The following PCGF3 variants were observed in gnomAD, a reference collection of about 807,000 sequenced individuals.
PCGF3 encodes the protein polycomb group RING finger protein 3.
Under a neutral mutation model 33.1 loss-of-function variants are expected in PCGF3, and 7 were observed. The ratio of observed to expected loss-of-function variants is 0.21; its 90% CI spans 0.12 to 0.40. The LOEUF (loss-of-function observed/expected upper bound fraction) is 0.40, where lower values mean the gene tolerates loss of function less well. Ranked by LOEUF, PCGF3 falls within the 10% of genes least tolerant of loss-of-function variation. The probability of loss-of-function intolerance (pLI) is 1.00; values close to 1 mark genes in which losing one functional copy is unlikely to be tolerated. For missense variants in PCGF3, 211 were observed against 313.3 expected, an observed-to-expected ratio of 0.67 and a Z score of 2.46; for synonymous variants, 153 against 121.3, an observed-to-expected ratio of 1.26 and a Z score of -1.72.
At chr4:708,541 G>A (rs1742431550) in intron 1 of PCGF3, among the ~76,000 whole-genome samples, 1 of 152,164 alleles carries the variant, frequency 6.6e-6, no homozygotes, top group South Asian at 2.1e-4. Context: ...TGATACCTGG[G>A]GTAGGTATGA....
chr4:752,013 G>A (rs981195356), intron 8 of PCGF3, among the ~76,000 whole-genome samples: 2 of 152,286 alleles, frequency 1.3e-5, no homozygotes, highest in African/African-American at 4.8e-5. Flanking sequence ...GCAAAAGCGT[G>A]TCGGGTTTAT....
chr4:742,471 A>C (rs1361669274), intron 6 of PCGF3, among the ~76,000 whole-genome samples: 1 of 152,210 alleles, frequency 6.6e-6, no homozygotes, highest in Non-Finnish European at 1.5e-5. Context: ...GTTACTTTTC[A>C]GAGTGATGTC....
At chr4:767,610 CCTTAT>C (rs1745439634) in exon 11 of PCGF3, 1 of 152,110 alleles carries the variant, frequency 6.6e-6, no homozygotes, top group Non-Finnish European at 1.5e-5. Flanking sequence ...GCTCAAGAGA[CCTTAT>C]CTTAGGGATG....
chr4:761,600 G>T lies in PCGF3; in HGVS notation c.600+184G>T, dbSNP rs552620133. On this transcript the variant is annotated intron_variant, in intron 9 of 10. Coordinates refer to ENST00000362003, the Ensembl canonical transcript of PCGF3. ...GAGACAGCCCTAAGGGTTGTAGGAT[G>T]CCCAGAGACAGGGAACGTGGAATGC... is the stretch of plus-strand genomic sequence containing the variant. 1.2e-3 allele frequency: 1,116 copies of T among 943,592 alleles called. 1 individual carries two copies. Among genetic ancestry groups the T allele is most frequent in the Middle Eastern group, 1.6e-3 (3 of 1,854 alleles). 58.5% of individuals were successfully genotyped at this position (943,592 alleles called of 1,614,324 possible). A position where few individuals can be genotyped will look rare whatever the true frequency, so the allele number is the denominator to read the frequency against.
intron 1 of PCGF3, among the ~76,000 whole-genome samples, chr4:713,464 A>G (rs79893233): frequency 0.018 from 996 of 55,360 alleles, 16 homozygotes; most frequent in African/African-American, 0.063. Context: ...TGTGGGGGCT[A>G]TGGCCTCATG....
chr4:757,665 A>G (rs1744827629), intron 8 of PCGF3: 1 of 152,048 alleles, frequency 6.6e-6, no homozygotes, highest in African/African-American at 2.4e-5. Flanking sequence ...ACATTCCACG[A>G]TTTTCCATGG....
At chr4:708,988 T>G (rs949409948) in intron 1 of PCGF3, among the ~76,000 whole-genome samples, 6 of 152,198 alleles carry the variant, frequency 3.9e-5, no homozygotes, top group Admixed American at 1.3e-4. Flanking sequence ...TATCAAAAAC[T>G]TGTGGGTGTT....
At chr4:722,961 G>A (rs113358958) in intron 1 of PCGF3, among the ~76,000 whole-genome samples, 3 of 135,090 alleles carry the variant, frequency 2.2e-5, no homozygotes, top group Non-Finnish European at 4.7e-5. Context: ...TCGCCCGCCC[G>A]CGCCGGGTCC....
chr4:743,768 G>A (rs1577424491), intron 7 of PCGF3, 184 bp downstream of exon 7: 1 of 527,564 alleles, frequency 1.9e-6, no homozygotes, highest in South Asian at 2.3e-5. Context: ...CAGTGGGAAC[G>A]TGGGCAGAGG....
At chr4:726,560 A>G (rs1457533511) in intron 1 of PCGF3, among the ~76,000 whole-genome samples, 4 of 151,950 alleles carry the variant, frequency 2.6e-5, no homozygotes, top group Non-Finnish European at 5.9e-5. Flanking sequence ...CATTTCCTTC[A>G]TGGTCAGTTT....
chr4:711,545 C>A lies in PCGF3; in HGVS notation c.-190+5575C>A, dbSNP rs1350927894. 4.1e-5 allele frequency among the ~76,000 whole-genome samples: 6 copies of A among 145,706 alleles called. No homozygotes were observed. In the East Asian group the frequency reaches 1.2e-3, roughly 29 times the overall value. Reference sequence around the variant, plus strand: ...CAATCTCGGCTCACTGCAAGCTCCGCTTCCCGGGTTCACGCCATTCTCCTG... The same window carrying A: ...CAATCTCGGCTCACTGCAAGCTCCGATTCCCGGGTTCACGCCATTCTCCTG... On this transcript the variant is annotated intron_variant, in intron 1 of 10. Coordinates refer to ENST00000362003, the Ensembl canonical transcript of PCGF3.
chr4:754,120 G>A (rs766101923), intron 8 of PCGF3, among the ~76,000 whole-genome samples: 4 of 152,094 alleles, frequency 2.6e-5, no homozygotes, highest in East Asian at 1.9e-4. Flanking sequence ...AACCCTTACC[G>A]GGCCTGTTGA....
intron 9 of PCGF3, chr4:762,650 T>C (rs530811668): frequency 2.0e-5 from 3 of 152,270 alleles, no homozygotes; most frequent in African/African-American, 4.8e-5. Flanking sequence ...CTCCCAGAAC[T>C]GTGCCGAAAT....
Position 734,149 on chromosome 4 carries a change from T to G in PCGF3, c.109+360T>G, listed in dbSNP as rs545326477. ...TTCAAAGGGGAACCTTCCAGTGTGT[T>G]CTTCACACCTGATGTGCGTCCTCAC... On this transcript the variant is annotated intron_variant, in intron 4 of 10. Transcript: ENST00000362003. The G allele has an allele frequency of 5.2e-5, 80 of 1,550,282 alleles. 1 individual carries two copies. The South Asian group carries it at 9.2e-4, about 18-fold the overall frequency.
intron 1 of PCGF3, among the ~76,000 whole-genome samples, chr4:730,200 C>T (rs998954805): frequency 1.3e-5 from 2 of 152,246 alleles, no homozygotes; most frequent in Non-Finnish European, 2.9e-5. Flanking sequence ...TGCACAGCAG[C>T]AGAATTGCGG....
At chr4:733,564 G>C (rs543616907) in intron 3 of PCGF3, 108 bp from the exon 4 acceptor site, 2 of 1,144,386 alleles carry the variant, frequency 1.7e-6, no homozygotes. Flanking sequence ...CTGCCACCCA[G>C]GCCTCAGGGC....
At chr4:710,756 A>G (rs1158874080) in intron 1 of PCGF3, among the ~76,000 whole-genome samples, 1 of 152,230 alleles carries the variant, frequency 6.6e-6, no homozygotes, top group African/African-American at 2.4e-5. Flanking sequence ...CCCCCCACAA[A>G]TTAAATTACA....
intron 9 of PCGF3, chr4:762,173 G>T: frequency 2.6e-6 from 2 of 772,200 alleles, no homozygotes; most frequent in Non-Finnish European, 3.1e-6. Context: ...GATCTTGTTT[G>T]GAAAAGGATC....
At chr4:711,294 G>A (rs1298344824) in intron 1 of PCGF3, among the ~76,000 whole-genome samples, 1 of 152,242 alleles carries the variant, frequency 6.6e-6, no homozygotes, top group Non-Finnish European at 1.5e-5. Flanking sequence ...CCGTGGGCTA[G>A]AATTCTTTAC....
Sources: gnomAD v4.1 joint callset for allele counts (sites outside exome capture counted in the v4.1 genomes callset) on GRCh38, gnomAD v4.1.1 for gene constraint, MANE v1.5 for transcripts, NCBI Gene and HGNC (gene_info 2026-07-23, HGNC 2026-07-21) for gene names.